Variants in PARN observed in about 807,000 individuals in gnomAD.
PARN encodes poly(A)-specific ribonuclease PARN.
A neutral mutation model predicts 102.8 loss-of-function variants in PARN; 71 were observed. That is an observed-to-expected ratio of 0.69 (90% CI 0.57 to 0.84). The LOEUF (loss-of-function observed/expected upper bound fraction) is 0.84. Ranked by LOEUF, PARN falls within the 40% of genes least tolerant of loss-of-function variation. PARN has a pLI of 0.00. For synonymous variants in PARN, 261 were observed against 252.9 expected, an observed-to-expected ratio of 1.03 and a Z score of -0.30; for missense variants, 782 against 760.9, an observed-to-expected ratio of 1.03 and a Z score of -0.33.
intron 22 of PARN, among the ~76,000 whole-genome samples, chr16:14,451,392 G>A (rs1413361241): frequency 6.6e-6 from 1 of 152,132 alleles, no homozygotes; most frequent in African/African-American, 2.4e-5. Context: ...TAGGAGCAGT[G>A]CATCAACAGG....
At chr16:14,551,212 G>T (rs1029530274) in intron 21 of PARN, among the ~76,000 whole-genome samples, 1 of 151,532 alleles carries the variant, frequency 6.6e-6, no homozygotes, top group Non-Finnish European at 1.5e-5. Context: ...GATTACAAGC[G>T]TGAGCCACCA....
intron 21 of PARN, among the ~76,000 whole-genome samples, chr16:14,547,300 C>A (rs763598388): frequency 4.6e-5 from 7 of 151,940 alleles, no homozygotes; most frequent in African/African-American, 1.5e-4. Flanking sequence ...AGCAGGGAAC[C>A]GCTTCCCAGC....
At chr16:14,628,847 T>A (rs1972843110) in intron 2 of PARN, among the ~76,000 whole-genome samples, 1 of 152,168 alleles carries the variant, frequency 6.6e-6, no homozygotes, top group African/African-American at 2.4e-5. Flanking sequence ...AGTGAACCGT[T>A]CATATTGACA....
At chr16:14,588,369 A>C (rs1285963691) in intron 13 of PARN, among the ~76,000 whole-genome samples, 2 of 152,186 alleles carry the variant, frequency 1.3e-5, no homozygotes, top group Non-Finnish European at 1.5e-5. Context: ...TAGAAAACAA[A>C]GAGTGTGGGA....
At position 14,553,561 on chromosome 16, in the gene PARN, T is replaced by C. The variant is rs921561724; in HGVS notation, c.1405+504A>G. Among the ~76,000 whole-genome samples the C allele has an allele frequency of 2.0e-5, 3 of 152,220 alleles. No homozygotes were observed. In the South Asian group the frequency reaches 6.2e-4, roughly 31 times the overall value. On this transcript the variant is annotated intron_variant, in intron 20 of 23. Transcript: ENST00000437198. Reference sequence around the variant, plus strand: ...CATTGCTGTGGGTTTACAATCAGAATGGTCTTCATAAACACTTATCAGGAG... The same window carrying C: ...CATTGCTGTGGGTTTACAATCAGAACGGTCTTCATAAACACTTATCAGGAG...
chr16:14,597,190 T>TA (rs1272102184), intron 12 of PARN, among the ~76,000 whole-genome samples: 2 of 152,192 alleles, frequency 1.3e-5, no homozygotes, highest in Non-Finnish European at 2.9e-5. Context: ...ACAGGCAAGA[T>TA]ATGCTGATAG....
intron 16 of PARN, 65 bp downstream of exon 16, chr16:14,584,282 C>G: frequency 8.2e-7 from 1 of 1,214,952 alleles, no homozygotes. Flanking sequence ...TTCTGCTTTT[C>G]TTCTACAATA....
chr16:14,455,472 C>G (rs779028755), intron 22 of PARN, among the ~76,000 whole-genome samples: 1 of 152,138 alleles, frequency 6.6e-6, no homozygotes, highest in Admixed American at 6.5e-5. Flanking sequence ...CCGTAGCCTA[C>G]ATTAAATATT....
intron 21 of PARN, 102 bp from the exon 22 acceptor site, chr16:14,482,929 T>G (rs116903656): frequency 1.3e-5 from 13 of 965,472 alleles, no homozygotes; most frequent in Non-Finnish European, 1.9e-5. Context: ...AGGAGCCCCA[T>G]CAGGCCTGAG....
chr16:14,526,411 T>C (rs968070800), intron 21 of PARN, among the ~76,000 whole-genome samples: 2 of 148,682 alleles, frequency 1.3e-5, no homozygotes, highest in African/African-American at 5.0e-5. Context: ...CCTCCTGACC[T>C]CGTGATCCAC....
intron 11 of PARN, among the ~76,000 whole-genome samples, chr16:14,600,697 G>A (rs555382662): frequency 1.3e-5 from 2 of 152,300 alleles, no homozygotes; most frequent in African/African-American, 4.8e-5. Flanking sequence ...TTGGGAGGCA[G>A]AGGCAGATGG....
intron 12 of PARN, among the ~76,000 whole-genome samples, chr16:14,594,651 G>A (rs774216404): frequency 6.6e-6 from 1 of 152,190 alleles, no homozygotes; most frequent in African/African-American, 2.4e-5. Context: ...AGGAGGCGGA[G>A]GTTGCAGTGA....
intron 21 of PARN, among the ~76,000 whole-genome samples, chr16:14,518,291 C>CAAAAAAA (rs34169116): frequency 2.7e-4 from 14 of 52,264 alleles, no homozygotes; most frequent in South Asian, 9.1e-4. Flanking sequence ...GACCCTGTCT[C>CAAAAAAA]AAAAAAAAAA....
intron 5 of PARN, among the ~76,000 whole-genome samples, chr16:14,621,154 C>G (rs939817471): frequency 2.6e-5 from 4 of 152,194 alleles, no homozygotes; most frequent in Non-Finnish European, 5.9e-5. Flanking sequence ...CTGTCCTGAA[C>G]CAAGAACCAA....
intron 21 of PARN, among the ~76,000 whole-genome samples, chr16:14,483,111 T>C (rs1165945230): frequency 6.6e-6 from 1 of 152,240 alleles, no homozygotes; most frequent in East Asian, 1.9e-4. Flanking sequence ...AAGTAAAATA[T>C]TAATTTTCAA....
chr16:14,571,153 G>T (rs932970058), intron 18 of PARN, among the ~76,000 whole-genome samples: 2 of 152,076 alleles, frequency 1.3e-5, no homozygotes, highest in Admixed American at 6.6e-5. Context: ...GGAGGCTAGG[G>T]TGGGTGGTTC....
At chr16:14,532,282 TGAAC>T (rs1275978452) in intron 21 of PARN, among the ~76,000 whole-genome samples, 1 of 150,500 alleles carries the variant, frequency 6.6e-6, no homozygotes, top group Non-Finnish European at 1.5e-5. Context: ...GATAAACAAG[TGAAC>T]GAAGTTCTCT....
At chr16:14,596,988 T>A (rs971854810) in intron 12 of PARN, among the ~76,000 whole-genome samples, 2 of 152,038 alleles carry the variant, frequency 1.3e-5, no homozygotes, top group African/African-American at 2.4e-5. Flanking sequence ...TATTTCACCA[T>A]GTTGGTTAGG....
At chr16:14,498,001 G>A (rs908642643) in intron 21 of PARN, among the ~76,000 whole-genome samples, 4 of 151,742 alleles carry the variant, frequency 2.6e-5, no homozygotes, top group African/African-American at 7.3e-5. Context: ...GCATGTGCCT[G>A]TAATCCCAGC....
Sources: allele counts gnomAD v4.1 joint callset (sites outside exome capture counted in the v4.1 genomes callset), GRCh38; gene constraint gnomAD v4.1.1; transcripts MANE v1.5; gene names NCBI Gene and HGNC (gene_info 2026-07-23, HGNC 2026-07-21).